The following DGKI variants were observed in gnomAD, a reference collection of about 807,000 sequenced individuals.
DGKI encodes diacylglycerol kinase iota.
In DGKI, 55 loss-of-function variants were observed where a neutral mutation model predicts 147.5. The ratio of observed to expected loss-of-function variants is 0.37; its 90% confidence interval spans 0.30 to 0.47. DGKI has a LOEUF of 0.47. Ranked by LOEUF, DGKI falls within the 20% of genes least tolerant of loss-of-function variation. The pLI is 1.00. For synonymous variants in DGKI, 469 were observed against 477.1 expected (o/e 0.98, Z 0.22); for missense variants, 1,007 against 1,323.8 (o/e 0.76, Z 3.71).
intron 1 of DGKI, among the ~76,000 whole-genome samples, chr7:137,708,995 G>T (rs1411431423): frequency 6.6e-6 from 1 of 152,190 alleles, no homozygotes; most frequent in Non-Finnish European, 1.5e-5. Flanking sequence ...TTGTAAAGTG[G>T]AAAGTGGACT....
intron 6 of DGKI, among the ~76,000 whole-genome samples, chr7:137,630,995 A>ATTT (rs1563121247): frequency 1.1e-4 from 16 of 151,228 alleles, no homozygotes; most frequent in African/African-American, 3.9e-4. Context: ...GTTTTTTTTG[A>ATTT]AAAAAAGACT....
intron 28 of DGKI, among the ~76,000 whole-genome samples, chr7:137,426,159 G>A (rs1300059535): frequency 6.6e-6 from 1 of 152,176 alleles, no homozygotes; most frequent in Non-Finnish European, 1.5e-5. Flanking sequence ...GGCAGGTTGG[G>A]TTACCCACAA....
rs377156094 is a variant in DGKI, at chr7:137,390,809, T to C, written c.*411A>G. 1.6e-3 allele frequency: 266 copies of C among 169,704 alleles called. 5 individuals carry two copies. The South Asian group carries it at 0.034, about 22-fold the overall frequency. 10.5% of individuals were successfully genotyped at this position (169,704 alleles called of 1,614,324 possible). On this transcript the variant is annotated 3_prime_UTR_variant, in exon 33 of 33. Coordinates refer to ENST00000614521, the MANE Select transcript of DGKI (RefSeq NM_001321708.2). ...AAAGAGAAGAGATAATATTTTTCTTTAAGTTGATGGGTAGTTACAGTAGAA... is the reference window on the plus strand; with the variant it reads ...AAAGAGAAGAGATAATATTTTTCTTCAAGTTGATGGGTAGTTACAGTAGAA...
intron 1 of DGKI, among the ~76,000 whole-genome samples, chr7:137,713,939 C>T (rs1418973967): frequency 6.6e-6 from 1 of 152,210 alleles, no homozygotes. Context: ...TGTGCCTGGC[C>T]ACTTGCCCAA....
chr7:137,732,041 C>A (rs1347133483), intron 1 of DGKI, among the ~76,000 whole-genome samples: 1 of 152,062 alleles, frequency 6.6e-6, no homozygotes, highest in Non-Finnish European at 1.5e-5. Flanking sequence ...ACTAGAAGTT[C>A]TTGAGAAAAC....
chr7:137,688,934 C>T (rs553241071), intron 2 of DGKI, among the ~76,000 whole-genome samples: 1 of 152,218 alleles, frequency 6.6e-6, no homozygotes, highest in African/African-American at 2.4e-5. Context: ...TTTTGCCAGG[C>T]ACTTCATAAA....
intron 11 of DGKI, among the ~76,000 whole-genome samples, chr7:137,599,143 C>T (rs1028125760): frequency 1.3e-4 from 20 of 152,146 alleles, no homozygotes; most frequent in African/African-American, 4.1e-4. Context: ...GAATTTAAAA[C>T]GGAGAACCAG....
At chr7:137,649,083 A>G (rs1373808212) in intron 5 of DGKI, among the ~76,000 whole-genome samples, 3 of 152,162 alleles carry the variant, frequency 2.0e-5, no homozygotes, top group Non-Finnish European at 2.9e-5. Context: ...ATATAAATTT[A>G]TTCTACTGCT....
At chr7:137,818,200 T>G (rs1797793758) in intron 1 of DGKI, among the ~76,000 whole-genome samples, 1 of 152,182 alleles carries the variant, frequency 6.6e-6, no homozygotes. Context: ...TTAGAATTGC[T>G]CTGAAGTTGG....
intron 21 of DGKI, among the ~76,000 whole-genome samples, chr7:137,496,106 A>G (rs1815955736): frequency 2.6e-5 from 4 of 152,290 alleles, no homozygotes; most frequent in Admixed American, 2.6e-4. Context: ...CAACTTCAGT[A>G]AAGTTTCAGG....
chr7:137,588,466 A>G (rs1819485827), intron 12 of DGKI, among the ~76,000 whole-genome samples: 1 of 141,890 alleles, frequency 7.0e-6, no homozygotes, highest in Non-Finnish European at 1.5e-5. Flanking sequence ...AAAGATGGAC[A>G]TACCGATGCT....
chr7:137,608,068 C>T (rs1820241988), intron 10 of DGKI, among the ~76,000 whole-genome samples: 1 of 152,150 alleles, frequency 6.6e-6, no homozygotes, highest in African/African-American at 2.4e-5. Flanking sequence ...GTAATAAGAA[C>T]ATCATCTTGG....
At chr7:137,510,080 C>T (rs1816528469) in intron 21 of DGKI, among the ~76,000 whole-genome samples, 1 of 152,214 alleles carries the variant, frequency 6.6e-6, no homozygotes, top group Non-Finnish European at 1.5e-5. Context: ...GCGGTTCACG[C>T]ATTGACCGTG....
chr7:137,519,212 C>T (rs898674476), intron 21 of DGKI, among the ~76,000 whole-genome samples: 2 of 152,072 alleles, frequency 1.3e-5, no homozygotes, highest in African/African-American at 4.8e-5. Context: ...GAGTATAGTC[C>T]TCTTTCTCTG....
chr7:137,469,568 G>T lies in DGKI; in HGVS notation c.2425C>A (p.Arg809=), dbSNP rs150062419. Residue 809 remains arginine, a synonymous_variant, in exon 24 of 33, where the codon CGG becomes AGG. Coordinates refer to ENST00000614521, the MANE Select transcript of DGKI (RefSeq NM_001321708.2). The part of the protein sequence containing the change: ...RALSAQRLSP[R]WCFLDATSAD... ...AACTCACCATCTAGGAAGCACCACC[G>T]AGGAGAGAGCCTCTGTGCTGAGAGA... 3.1e-6 allele frequency: 5 copies of T among 1,613,872 alleles called. No homozygotes were observed. The highest frequency in any genetic ancestry group is 4.2e-6 in the Non-Finnish European group (5 of 1,179,964).
intron 23 of DGKI, among the ~76,000 whole-genome samples, chr7:137,471,963 T>A (rs1336861378): frequency 7.2e-6 from 1 of 138,836 alleles, no homozygotes; most frequent in African/African-American, 2.7e-5. Context: ...ATATTATATA[T>A]TATATACATG....
intron 1 of DGKI, among the ~76,000 whole-genome samples, chr7:137,707,498 G>T (rs1794075146): frequency 6.6e-6 from 1 of 152,168 alleles, no homozygotes; most frequent in Admixed American, 6.5e-5. Context: ...GGGCCTGGTG[G>T]GAGGTGACTG....
intron 12 of DGKI, among the ~76,000 whole-genome samples, chr7:137,589,111 G>A (rs1440001389): frequency 1.3e-5 from 2 of 152,188 alleles, no homozygotes; most frequent in African/African-American, 2.4e-5. Flanking sequence ...AACCTGTGGA[G>A]ATGAAGAAAC....
At chr7:137,624,640 T>C (rs1018837893) in intron 6 of DGKI, among the ~76,000 whole-genome samples, 1 of 152,044 alleles carries the variant, frequency 6.6e-6, no homozygotes, top group African/African-American at 2.4e-5. Flanking sequence ...GATCTTGGTC[T>C]GTAGCCCAGG....
Sources: allele counts gnomAD v4.1 joint callset (sites outside exome capture counted in the v4.1 genomes callset), GRCh38; gene constraint gnomAD v4.1.1; transcripts MANE v1.5; gene names NCBI Gene and HGNC (gene_info 2026-07-23, HGNC 2026-07-21).